Variants in SNAP25 observed in about 807,000 individuals in gnomAD.
The protein encoded by SNAP25 is synaptosomal-associated protein 25.
In SNAP25, 3 loss-of-function variants were observed where a neutral mutation model predicts 28.7. That is an observed-to-expected ratio of 0.10 (90% CI 0.05 to 0.27). The LOEUF (loss-of-function observed/expected upper bound fraction) is 0.27. Ranked by LOEUF, SNAP25 falls within the 10% of genes least tolerant of loss-of-function variation. The pLI is 1.00. For synonymous variants in SNAP25, 61 were observed against 88.1 expected, an observed-to-expected ratio of 0.69 and a Z score of 1.72; for missense variants, 117 against 278.7, an observed-to-expected ratio of 0.42 and a Z score of 4.13.
intron 6 of SNAP25, 53 bp downstream of exon 6, chr20:10,297,103 A>G: frequency 6.8e-7 from 1 of 1,477,980 alleles, no homozygotes; most frequent in South Asian, 1.4e-5. Context: ...AAGTACAAAC[A>G]ACTCCAAAAC....
intron 1 of SNAP25, among the ~76,000 whole-genome samples, chr20:10,261,179 T>C (rs1429992387): frequency 6.6e-6 from 1 of 152,172 alleles, no homozygotes; most frequent in Non-Finnish European, 1.5e-5. Flanking sequence ...CCCTCAATCA[T>C]TTTTAGTACA....
At chr20:10,302,579 C>T (rs1160055683) in intron 7 of SNAP25, among the ~76,000 whole-genome samples, 1 of 152,144 alleles carries the variant, frequency 6.6e-6, no homozygotes, top group Non-Finnish European at 1.5e-5. Context: ...CTTTTACTGG[C>T]TCTTTGGTGG....
At chr20:10,239,834 G>C (rs1331440297) in intron 1 of SNAP25, among the ~76,000 whole-genome samples, 1 of 152,210 alleles carries the variant, frequency 6.6e-6, no homozygotes, top group Non-Finnish European at 1.5e-5. Flanking sequence ...GAGGAGCAGA[G>C]GAGGACAAGA....
chr20:10,234,783 C>T (rs2062887735), intron 1 of SNAP25, among the ~76,000 whole-genome samples: 1 of 152,132 alleles, frequency 6.6e-6, no homozygotes, highest in Non-Finnish European at 1.5e-5. Flanking sequence ...TGAATTCAAG[C>T]AGTCTCAGAT....
chr20:10,286,770 CCAA>C (rs1422049860), intron 4 of SNAP25, among the ~76,000 whole-genome samples: 1 of 152,006 alleles, frequency 6.6e-6, no homozygotes, highest in Non-Finnish European at 1.5e-5. Flanking sequence ...AACATAAACC[CCAA>C]CATTTTTCCT....
intron 2 of SNAP25, 152 bp downstream of exon 2, chr20:10,275,715 C>A (rs770333451): frequency 1.8e-6 from 1 of 548,106 alleles, no homozygotes; most frequent in Non-Finnish European, 3.1e-6. Flanking sequence ...CCTAAGGCTT[C>A]TGTGGACCAG....
chr20:10,279,122 C>T (rs2063740442), intron 3 of SNAP25, among the ~76,000 whole-genome samples: 2 of 152,114 alleles, frequency 1.3e-5, no homozygotes, highest in South Asian at 4.1e-4. Context: ...TGCTGCTGCT[C>T]ATGCAGAAAT....
At chr20:10,301,866 ATT>A (rs1484140048) in intron 7 of SNAP25, among the ~76,000 whole-genome samples, 1 of 145,616 alleles carries the variant, frequency 6.9e-6, no homozygotes, top group East Asian at 1.9e-4. Context: ...AACTATATAT[ATT>A]ATATAATATA....
intron 1 of SNAP25, among the ~76,000 whole-genome samples, chr20:10,230,058 G>A (rs1724560271): frequency 6.6e-6 from 1 of 152,070 alleles, no homozygotes; most frequent in Non-Finnish European, 1.5e-5. Flanking sequence ...GAGAACCAAA[G>A]GCCCTTCTCT....
rs6104571 is a variant in SNAP25, at chr20:10,244,102, G to A, written c.-64+25125G>A. ...AGAAATGGGTATTGGTCAAATATCTGTTTCTAGGAGTTATTGCCATGACTA... is the reference window on the plus strand; with the variant it reads ...AGAAATGGGTATTGGTCAAATATCTATTTCTAGGAGTTATTGCCATGACTA... On this transcript the variant is annotated intron_variant, in intron 1 of 7. Transcript: ENST00000254976. Among the ~76,000 whole-genome samples the A allele has an allele frequency of 0.5, 76,692 of 152,038 alleles. 19,902 individuals carry two copies. Among genetic ancestry groups the A allele is most frequent in the Middle Eastern group, 0.63 (184 of 294 alleles).
At chr20:10,250,655 A>G (rs888495318) in intron 1 of SNAP25, among the ~76,000 whole-genome samples, 12 of 152,220 alleles carry the variant, frequency 7.9e-5, no homozygotes, top group Admixed American at 4.6e-4. Context: ...TTAATTTGAT[A>G]TATATTGCCT....
chr20:10,292,527 C>T lies in SNAP25; in HGVS notation c.164-634C>T, dbSNP rs188110931. The stretch of plus-strand genomic sequence containing the variant: ...TTGAAGCAGATCCTTTCCTTAGTAG[C>T]GTTAAACTGGAATGCCTAAAACATA... On this transcript the variant is annotated intron_variant, in intron 4 of 7. Transcript: ENST00000254976. 2.6e-5 allele frequency among the ~76,000 whole-genome samples: 4 copies of T among 152,214 alleles called. No homozygotes were observed. The East Asian group carries it at 7.7e-4, about 29-fold the overall frequency.
intron 1 of SNAP25, among the ~76,000 whole-genome samples, chr20:10,230,092 G>A (rs1600643287): frequency 6.6e-6 from 1 of 152,118 alleles, no homozygotes; most frequent in African/African-American, 2.4e-5. Context: ...ATACCCCCAA[G>A]TGACAGAACC....
At position 10,261,583 on chromosome 20, in the gene SNAP25, C is replaced by T. The variant is rs577097073; in HGVS notation, c.-63-13846C>T. On this transcript the variant is annotated intron_variant, in intron 1 of 7. Coordinates refer to ENST00000254976, the MANE Select transcript of SNAP25 (RefSeq NM_130811.4). ...GATGATAGATGAAATTTGCAATATA[C>T]ATTTTAGTAATTGTGTATCTACTTT... 3.3e-5 allele frequency among the ~76,000 whole-genome samples: 5 copies of T among 152,234 alleles called. No individual in the cohort carries two copies. The South Asian group carries it at 1.0e-3, about 32-fold the overall frequency.
At chr20:10,220,318 A>G (rs990803234) in intron 1 of SNAP25, among the ~76,000 whole-genome samples, 2 of 152,232 alleles carry the variant, frequency 1.3e-5, no homozygotes, top group African/African-American at 4.8e-5. Flanking sequence ...CCTGTACTGA[A>G]TAGATTTAAC....
chr20:10,275,474 C>T lies in SNAP25; in HGVS notation c.-18C>T, dbSNP rs760050403. The T allele has an allele frequency of 6.3e-7, 1 of 1,594,196 alleles. No individual in the cohort carries two copies. The stretch of plus-strand genomic sequence containing the variant: ...CTGACCCCCCAGCCCAGGCGCCCAG[C>T]CACTCCCCACCGCTACCATGGCCGA... On this transcript the variant is annotated 5_prime_UTR_variant, in exon 2 of 8. Transcript: ENST00000254976.
intron 1 of SNAP25, among the ~76,000 whole-genome samples, chr20:10,219,985 A>G (rs2062598513): frequency 6.6e-6 from 1 of 152,186 alleles, no homozygotes; most frequent in South Asian, 2.1e-4. Flanking sequence ...AAATAAATAC[A>G]TTTTTTAAAA....
At chr20:10,263,156 C>T (rs931045165) in intron 1 of SNAP25, among the ~76,000 whole-genome samples, 8 of 151,620 alleles carry the variant, frequency 5.3e-5, no homozygotes, top group African/African-American at 1.9e-4. Flanking sequence ...GTAGCTGGAA[C>T]TACAGGCGCC....
At chr20:10,304,905 AATAGGAGGTGG>A (rs1244631845) in intron 7 of SNAP25, among the ~76,000 whole-genome samples, 3 of 152,212 alleles carry the variant, frequency 2.0e-5, no homozygotes, top group African/African-American at 7.2e-5. Context: ...TCACCACAAT[AATAGGAGGTGG>A]CTATGAAATT....
Sources: gnomAD v4.1 joint callset for allele counts (sites outside exome capture counted in the v4.1 genomes callset) on GRCh38, gnomAD v4.1.1 for gene constraint, MANE v1.5 for transcripts, NCBI Gene and HGNC (gene_info 2026-07-23, HGNC 2026-07-21) for gene names.